The following CNTNAP4 variants were observed in gnomAD, a reference collection of about 807,000 sequenced individuals.
CNTNAP4 encodes the protein contactin-associated protein-like 4.
A neutral mutation model predicts 148.4 loss-of-function variants in CNTNAP4; 98 were observed. The ratio of observed to expected loss-of-function variants is 0.66; its 90% CI spans 0.56 to 0.78. The LOEUF is 0.78. CNTNAP4 is among the 30% of genes least tolerant of loss of function. The probability of loss-of-function intolerance (pLI) is 0.00; values close to 1 mark genes in which losing one functional copy is unlikely to be tolerated. For synonymous variants in CNTNAP4, 730 were observed against 565.1 expected (o/e 1.29, Z -4.14); for missense variants, 1,935 against 1,565.6 (o/e 1.24, Z -3.98).
At chr16:76,367,039 C>T (rs1048661703) in intron 3 of CNTNAP4, among the ~76,000 whole-genome samples, 5 of 151,472 alleles carry the variant, frequency 3.3e-5, no homozygotes, top group Admixed American at 6.6e-5. Context: ...TTACATGTTA[C>T]AAAAAATTTA....
chr16:76,408,258 G>C (rs2078669372), intron 3 of CNTNAP4, among the ~76,000 whole-genome samples: 2 of 127,376 alleles, frequency 1.6e-5, no homozygotes, highest in Non-Finnish European at 3.7e-5. Flanking sequence ...TGAAGTGTCT[G>C]TACCTATGAT....
intron 12 of CNTNAP4, among the ~76,000 whole-genome samples, chr16:76,485,068 T>C (rs76683640): frequency 0.025 from 3,805 of 152,296 alleles, 140 homozygotes; most frequent in African/African-American, 0.087. Flanking sequence ...AATAATTAGT[T>C]AGAGTAAGGT....
chr16:76,277,869 G>A, intron 1 of CNTNAP4, 122 bp downstream of exon 1: 1 of 687,550 alleles, frequency 1.5e-6, no homozygotes, highest in South Asian at 1.7e-5. Context: ...TGTAAACCAA[G>A]CATCACTTAA....
At chr16:76,347,331 C>G (rs1468992167) in intron 2 of CNTNAP4, among the ~76,000 whole-genome samples, 1 of 152,150 alleles carries the variant, frequency 6.6e-6, no homozygotes, top group East Asian at 1.9e-4. Context: ...TTATTTCAAT[C>G]TTATATGCAG....
intron 15 of CNTNAP4, among the ~76,000 whole-genome samples, chr16:76,501,883 A>AT (rs1228702044): frequency 1.3e-5 from 2 of 152,020 alleles, no homozygotes; most frequent in African/African-American, 4.8e-5. Flanking sequence ...ATCCCGGCTA[A>AT]ACGGTGAAAC....
chr16:76,381,672 T>A (rs1002041969), intron 3 of CNTNAP4, among the ~76,000 whole-genome samples: 3 of 152,184 alleles, frequency 2.0e-5, no homozygotes, highest in African/African-American at 7.2e-5. Context: ...GTGTAGGGTA[T>A]GTTATTTACT....
At chr16:76,502,342 T>C (rs904931339) in intron 15 of CNTNAP4, among the ~76,000 whole-genome samples, 1 of 151,894 alleles carries the variant, frequency 6.6e-6, no homozygotes, top group African/African-American at 2.4e-5. Context: ...GGGAAATCTG[T>C]ACCACTTAAG....
At chr16:76,392,052 A>G (rs1384603536) in intron 3 of CNTNAP4, among the ~76,000 whole-genome samples, 1 of 152,148 alleles carries the variant, frequency 6.6e-6, no homozygotes, top group Non-Finnish European at 1.5e-5. Flanking sequence ...GTGAAGTGGC[A>G]CAATCTCGGC....
chr16:76,314,255 C>A (rs983920658), intron 1 of CNTNAP4, among the ~76,000 whole-genome samples: 8 of 152,168 alleles, frequency 5.3e-5, no homozygotes, highest in Non-Finnish European at 1.2e-4. Context: ...AAAGGGATCC[C>A]AATCCAGAGC....
At chr16:76,393,703 A>G (rs1200006099) in intron 3 of CNTNAP4, among the ~76,000 whole-genome samples, 1 of 152,010 alleles carries the variant, frequency 6.6e-6, no homozygotes, top group Non-Finnish European at 1.5e-5. Flanking sequence ...AAAAAAATTG[A>G]AAGACTCCCA....
intron 3 of CNTNAP4, among the ~76,000 whole-genome samples, chr16:76,386,470 T>C (rs1214363747): frequency 6.6e-6 from 1 of 152,168 alleles, no homozygotes; most frequent in Non-Finnish European, 1.5e-5. Context: ...GAATCATGCA[T>C]TTTGTTGAAT....
intron 1 of CNTNAP4, among the ~76,000 whole-genome samples, chr16:76,289,287 C>T (rs940565023): frequency 1.3e-5 from 2 of 152,172 alleles, no homozygotes; most frequent in Non-Finnish European, 2.9e-5. Context: ...AATTACTCTC[C>T]ACATTATGAG....
chr16:76,291,497 A>G (rs1959114158), intron 1 of CNTNAP4, among the ~76,000 whole-genome samples: 1 of 152,098 alleles, frequency 6.6e-6, no homozygotes, highest in Non-Finnish European at 1.5e-5. Flanking sequence ...TATCACAAGT[A>G]TTATTTTATC....
In CNTNAP4 at chr16:76,427,534, T is replaced by C; in HGVS notation, c.473T>C (p.Ile158Thr). Residue 158 changes from isoleucine (I) to threonine (T), a missense_variant, in exon 4 of 24, where the codon ATC (isoleucine) becomes ACC (threonine). Transcript: ENST00000611870. Reference protein sequence around the residue: ...PSIKARFLRFIPLEWNPKGRI... With the variant: ...PSIKARFLRFTPLEWNPKGRI... ...ATCAAAGCCAGATTTCTGCGCTTCA[T>C]CCCTTTGGAATGGAACCCCAAGGGC... is the stretch of plus-strand genomic sequence containing the variant. 1.2e-6 allele frequency: 2 copies of C among 1,613,106 alleles called. No individual in the cohort carries two copies. The highest frequency in any genetic ancestry group is 1.7e-5 in the Admixed American group (1 of 59,932).
intron 12 of CNTNAP4, among the ~76,000 whole-genome samples, chr16:76,488,753 A>G (rs906429609): frequency 3.9e-5 from 6 of 152,214 alleles, no homozygotes; most frequent in African/African-American, 1.2e-4. Context: ...GTGTCTGCAT[A>G]TATCACAGAA....
chr16:76,283,681 A>G (rs1958775721), intron 1 of CNTNAP4, among the ~76,000 whole-genome samples: 1 of 151,980 alleles, frequency 6.6e-6, no homozygotes, highest in African/African-American at 2.4e-5. Flanking sequence ...GGGAGGAGAG[A>G]GAGAATAAGG....
chr16:76,406,798 G>A (rs115647611), intron 3 of CNTNAP4, among the ~76,000 whole-genome samples: 4 of 152,154 alleles, frequency 2.6e-5, no homozygotes, highest in African/African-American at 7.2e-5. Flanking sequence ...GTAGCAGAAA[G>A]CTGGAAGCTA....
Position 76,452,634 on chromosome 16 carries a change from A to T in CNTNAP4, c.1198A>T (p.Thr400Ser). 6 of 1,613,892 alleles carry T rather than the reference A, an allele frequency of 3.7e-6. No homozygotes were observed. Among genetic ancestry groups the T allele is most frequent in the Non-Finnish European group, 5.1e-6 (6 of 1,179,854 alleles). The change falls in exon 8 of 24, where the codon ACT becomes TCT. Residue 400 changes from threonine to serine, a missense_variant. Transcript: ENST00000611870. ...GGTTTCTGCCACTTTTCAATTTCGA[A>T]CTTGGAATAAGGCAGGGCTTCTGCT... Reference protein sequence around the residue: ...EEVSATFQFRTWNKAGLLLFS... With the variant: ...EEVSATFQFRSWNKAGLLLFS...
At chr16:76,435,745 G>A (rs141482723) in intron 4 of CNTNAP4, among the ~76,000 whole-genome samples, 258 of 152,138 alleles carry the variant, frequency 1.7e-3, no homozygotes, top group African/African-American at 5.9e-3. Context: ...CTTCCAGCTC[G>A]CTCACAGTGG....
Sources: gnomAD v4.1 joint callset for allele counts (sites outside exome capture counted in the v4.1 genomes callset) on GRCh38, gnomAD v4.1.1 for gene constraint, MANE v1.5 for transcripts, NCBI Gene and HGNC (gene_info 2026-07-23, HGNC 2026-07-21) for gene names.